Variants in FRYL observed in about 807,000 individuals in gnomAD.
The protein encoded by FRYL is protein furry homolog-like.
In FRYL, 150 loss-of-function variants were observed where a neutral mutation model predicts 351.2. The ratio of observed to expected loss-of-function variants is 0.43; its 90% confidence interval spans 0.37 to 0.49. FRYL has a LOEUF of 0.49. Among genes scored for constraint, FRYL ranks in the 20% least tolerant of loss-of-function variants. The pLI is 0.00. For synonymous variants in FRYL, 1,153 were observed against 1,257.1 expected, an observed-to-expected ratio of 0.92 and a Z score of 1.75; for missense variants, 3,036 against 3,619.3, an observed-to-expected ratio of 0.84 and a Z score of 4.13.
chr4:48,571,986 C>G, intron 26 of FRYL: 1 of 985,332 alleles, frequency 1.0e-6, no homozygotes, highest in Non-Finnish European at 1.2e-6. Context: ...CCAAACTGAT[C>G]ATTCTGAAAC....
chr4:48,647,145 G>A (rs1756666418), intron 3 of FRYL, among the ~76,000 whole-genome samples: 1 of 152,034 alleles, frequency 6.6e-6, no homozygotes. Flanking sequence ...AGAATGGGTA[G>A]CCGAGATACT....
intron 1 of FRYL, among the ~76,000 whole-genome samples, chr4:48,739,610 G>C (rs1771829396): frequency 6.6e-6 from 1 of 151,536 alleles, no homozygotes; most frequent in Admixed American, 6.6e-5. Flanking sequence ...TACAAAACTT[G>C]AAAACTCCTA....
intron 37 of FRYL, among the ~76,000 whole-genome samples, chr4:48,551,091 A>T (rs1227914666): frequency 6.6e-6 from 1 of 151,994 alleles, no homozygotes; most frequent in African/African-American, 2.4e-5. Flanking sequence ...AGGACACAGT[A>T]CACAAAATAC....
At chr4:48,746,817 GA>G (rs935546308) in intron 1 of FRYL, among the ~76,000 whole-genome samples, 45 of 152,266 alleles carry the variant, frequency 3.0e-4, no homozygotes, top group African/African-American at 1.1e-3. Flanking sequence ...GAGACACTTA[GA>G]AAAGTCCCAG....
intron 37 of FRYL, 120 bp downstream of exon 37, chr4:48,551,374 T>C (rs1379687873): frequency 8.9e-6 from 5 of 562,486 alleles, no homozygotes; most frequent in Middle Eastern, 2.7e-4. Context: ...GAAATATATT[T>C]TTTTCACTCG....
chr4:48,549,740 A>C lies in FRYL; in HGVS notation c.4634-117T>G. 1.3e-6 allele frequency: 1 copy of C among 777,050 alleles called. No individual in the cohort carries two copies. The highest frequency in any genetic ancestry group is 2.9e-5 in the East Asian group (1 of 34,696). 48.1% of individuals were successfully genotyped at this position (777,050 alleles called of 1,614,324 possible). On this transcript the variant is annotated intron_variant, in intron 38 of 63. Coordinates refer to ENST00000358350, the MANE Select transcript of FRYL (RefSeq NM_015030.2). The surrounding 1 kb of genome is among the most constrained non-coding windows in gnomAD (Gnocchi z 4.2). ...TGGAAAGTGATAAAAAAAATTTCCC[A>C]CTATTTCAACATGTTTGCTAGGAAA... is the stretch of plus-strand genomic sequence containing the variant.
chr4:48,673,143 CAATAT>C (rs759418883), intron 3 of FRYL, among the ~76,000 whole-genome samples: 1 of 152,130 alleles, frequency 6.6e-6, no homozygotes, highest in Non-Finnish European at 1.5e-5. Context: ...GGAACCAATA[CAATAT>C]GTGTCTCTTG....
chr4:48,527,799 A>G, intron 52 of FRYL, 146 bp from the exon 53 acceptor site: 1 of 987,510 alleles, frequency 1.0e-6, no homozygotes, highest in Non-Finnish European at 1.5e-6. Flanking sequence ...AACTAGTTGA[A>G]CACATAGTTA....
intron 16 of FRYL, among the ~76,000 whole-genome samples, chr4:48,593,240 A>G (rs1320163986): frequency 6.9e-6 from 1 of 144,860 alleles, no homozygotes; most frequent in Non-Finnish European, 1.5e-5. Flanking sequence ...CACCTTAAAT[A>G]TAAACAATGT....
intron 1 of FRYL, among the ~76,000 whole-genome samples, chr4:48,724,547 G>A (rs569320961): frequency 2.6e-5 from 4 of 152,132 alleles, no homozygotes; most frequent in South Asian, 4.2e-4. Flanking sequence ...TTGTCTACCC[G>A]ACTAAAAAGC....
intron 1 of FRYL, among the ~76,000 whole-genome samples, chr4:48,756,996 G>C (rs1397372046): frequency 2.0e-5 from 3 of 152,192 alleles, no homozygotes; most frequent in Non-Finnish European, 4.4e-5. Context: ...AGGTTGTCTA[G>C]TTCATCTGGG....
chr4:48,550,716 A>T lies in FRYL; in HGVS notation c.4521-12T>A. On this transcript the variant is annotated splice_polypyrimidine_tract_variant and intron_variant, in intron 37 of 63. Coordinates refer to ENST00000358350, the MANE Select transcript of FRYL (RefSeq NM_015030.2). ...CCAGGTGCACATAGCTATGGGAATG[A>T]TCACTGAAGTTAGTCACAGTTCACG... 6.4e-7 allele frequency: 1 copy of T among 1,551,042 alleles called. No individual in the cohort carries two copies. The highest frequency in any genetic ancestry group is 8.9e-7 in the Non-Finnish European group (1 of 1,122,438).
In FRYL at chr4:48,527,406, T is replaced by A. The variant is rs6858296; in HGVS notation, c.7317+71A>T. On this transcript the variant is annotated intron_variant, in intron 53 of 63. Transcript: ENST00000358350. Reference sequence around the variant, plus strand: ...TTACACTGACCTCAATAAGGAATGATCCTGTGATCAAATCCTTAATTCTCA... The same window carrying A: ...TTACACTGACCTCAATAAGGAATGAACCTGTGATCAAATCCTTAATTCTCA... 1,788 of 1,276,296 alleles carry A rather than the reference T, an allele frequency of 1.4e-3. 22 individuals are homozygous for A. The African/African-American group carries it at 0.022, about 16-fold the overall frequency. 79.1% of individuals were successfully genotyped at this position (1,276,296 alleles called of 1,614,324 possible). A position where few individuals can be genotyped will look rare whatever the true frequency, so the allele number is the denominator to read the frequency against.
chr4:48,557,366 G>T, intron 34 of FRYL, 87 bp downstream of exon 34: 19 of 1,514,962 alleles, frequency 1.3e-5, no homozygotes, highest in Non-Finnish European at 1.7e-5. Flanking sequence ...GTTATCACAG[G>T]ATTATGGAAC....
chr4:48,698,780 A>G (rs77600820), intron 2 of FRYL, among the ~76,000 whole-genome samples: 3,277 of 152,234 alleles, frequency 0.022, 114 homozygotes, highest in African/African-American at 0.074. Context: ...AAACATGCAT[A>G]TAAGAGTCAG....
chr4:48,565,382 T>C (rs749364782), intron 29 of FRYL, 149 bp downstream of exon 29: 66 of 521,456 alleles, frequency 1.3e-4, no homozygotes, highest in Non-Finnish European at 1.8e-4. Flanking sequence ...ATTTTATGTA[T>C]TTAAATATAA....
intron 3 of FRYL, among the ~76,000 whole-genome samples, chr4:48,641,837 C>A (rs909955321): frequency 1.3e-5 from 2 of 152,212 alleles, no homozygotes; most frequent in East Asian, 3.9e-4. Flanking sequence ...TTGGTTATAT[C>A]TTCTAATTCA....
At chr4:48,574,841 T>TC (rs1739242482) in intron 25 of FRYL, among the ~76,000 whole-genome samples, 5 of 152,192 alleles carry the variant, frequency 3.3e-5, no homozygotes, top group African/African-American at 1.2e-4. Context: ...AAATATTAAA[T>TC]ATTTATATGG....
chr4:48,755,273 T>C (rs1176748863), intron 1 of FRYL, among the ~76,000 whole-genome samples: 3 of 152,208 alleles, frequency 2.0e-5, no homozygotes, highest in African/African-American at 4.8e-5. Context: ...TGGCCCACTA[T>C]TTCACTCAGA....
Sources: allele counts gnomAD v4.1 joint callset (sites outside exome capture counted in the v4.1 genomes callset), GRCh38; gene constraint gnomAD v4.1.1; non-coding constraint Gnocchi (gnomAD v3.1); transcripts MANE v1.5; gene names NCBI Gene and HGNC (gene_info 2026-07-23, HGNC 2026-07-21).